Variants in GPR162 observed in about 807,000 individuals in gnomAD.
The protein encoded by GPR162 is probable G protein-coupled receptor 162.
A neutral mutation model predicts 44.9 loss-of-function variants in GPR162; 26 were observed. The observed-to-expected ratio is 0.58, with a 90% CI of 0.42 to 0.80. The LOEUF (loss-of-function observed/expected upper bound fraction) is 0.80. GPR162 is among the 30% of genes least tolerant of loss of function. The pLI, the probability that GPR162 is intolerant of heterozygous loss-of-function variation, is 0.00. For synonymous variants in GPR162, 363 were observed against 335.2 expected, an observed-to-expected ratio of 1.08 and a Z score of -0.91; for missense variants, 704 against 802.3, an observed-to-expected ratio of 0.88 and a Z score of 1.48.
intron 3 of GPR162, among the ~76,000 whole-genome samples, 157 bp downstream of exon 3, chr12:6,825,830 T>G (rs61461797): frequency 3.3e-5 from 5 of 152,280 alleles, no homozygotes; most frequent in African/African-American, 1.2e-4. Flanking sequence ...GGCACCCTGC[T>G]GTCCACTCAC....
At chr12:6,825,285 T>A in intron 2 of GPR162, 199 bp from the exon 3 acceptor site, 1 of 597,970 alleles carries the variant, frequency 1.7e-6, no homozygotes, top group Non-Finnish European at 3.0e-6. Flanking sequence ...GGGCTTTGTC[T>A]CCAGCACTCT....
Position 6,826,303 on chromosome 12 carries a change from C to T in GPR162, c.1165C>T (p.Pro389Ser), listed in dbSNP as rs782502331. ...SRDPAQVKLL[P>S]GRHMLFPPLE... ...GGACCCCGCCCAGGTGAAGCTGCTGCCTGGAAGGCACATGCTCTTCCCTCC... is the reference window on the plus strand; with the variant it reads ...GGACCCCGCCCAGGTGAAGCTGCTGTCTGGAAGGCACATGCTCTTCCCTCC... The change falls in exon 4 of 5, where the codon CCT becomes TCT. Residue 389 changes from proline (P) to serine (S), a missense_variant. Pro to Ser is a moderately conservative substitution (Grantham distance 74). Around this residue, in one of 6 missense-constraint regions of GPR162, gnomAD observed 404 missense variants for 314.1 expected, o/e 1.29. Transcript: ENST00000311268. The T allele has an allele frequency of 6.9e-5, 111 of 1,613,732 alleles. No individual in the cohort carries two copies. The highest frequency in any genetic ancestry group is 9.0e-5 in the Non-Finnish European group (106 of 1,179,942).
intron 2 of GPR162, chr12:6,825,037 T>C (rs1426472462): frequency 3.1e-6 from 2 of 649,520 alleles, no homozygotes; most frequent in Non-Finnish European, 5.7e-6. Context: ...TTCCACGACC[T>C]GTCCTCCAGC....
At position 6,825,520 on chromosome 12, in the gene GPR162, C is replaced by A; in HGVS notation, c.904C>A (p.Pro302Thr). 6.2e-7 allele frequency: 1 copy of A among 1,610,924 alleles called. No individual in the cohort carries two copies. Among genetic ancestry groups the A allele is most frequent in the South Asian group, 1.1e-5 (1 of 90,644 alleles). ...CTTCTCCCTCAAGTCGGACTCGGCG[C>A]CCCCCTGGATGGTGCTGGCTGTGCT... Reference protein sequence around the residue: ...SFFSLKSDSAPPWMVLAVLWC... With the variant: ...SFFSLKSDSATPWMVLAVLWC... The change falls in exon 3 of 5, where the codon CCC becomes ACC. Residue 302 changes from proline to threonine, a missense_variant. Physicochemically the swap from Pro to Thr is conservative, Grantham distance 38 (BLOSUM62 -1). Coordinates refer to ENST00000311268, the MANE Select transcript of GPR162 (RefSeq NM_019858.2).
In GPR162 at chr12:6,822,507, A is replaced by G. The variant is rs59749635; in HGVS notation, c.-432+607A>G. 0.038 allele frequency among the ~76,000 whole-genome samples: 5,758 copies of G among 151,856 alleles called. 249 individuals are homozygous for G. The highest frequency in any genetic ancestry group is 0.11 in the African/African-American group (4,476 of 41,360). On this transcript the variant is annotated intron_variant, in intron 1 of 4. Coordinates refer to ENST00000311268, the MANE Select transcript of GPR162 (RefSeq NM_019858.2). The surrounding 1 kb of genome is among the most constrained non-coding windows in gnomAD (Gnocchi z 4.2). ...CCATTATGTGCTTCCTTACAGCCCC[A>G]CTCTGTTCAGGGTTTCACCCGATTC... is the stretch of plus-strand genomic sequence containing the variant.
At position 6,824,205 on chromosome 12, in the gene GPR162, G is replaced by A; in HGVS notation, c.307G>A (p.Ala103Thr). 6.2e-7 allele frequency: 1 copy of A among 1,613,952 alleles called. No individual in the cohort carries two copies. The highest frequency in any genetic ancestry group is 8.5e-7 in the Non-Finnish European group (1 of 1,180,022). The change falls in exon 2 of 5, where the codon GCC becomes ACC. Residue 103 changes from alanine to threonine, a missense_variant. This residue lies in a region of GPR162 where 110 missense variants were observed against 206.2 expected (regional missense o/e 0.53). Transcript: ENST00000311268. Reference protein sequence around the residue: ...FVSTYYTLALATCFTVASLSY... With the variant: ...FVSTYYTLALTTCFTVASLSY... ...GTCCACCTACTACACCCTGGCGCTG[G>A]CCACCTGCTTCACGGTCGCCTCCCT...
intron 2 of GPR162, 123 bp from the exon 3 acceptor site, chr12:6,825,361 C>G: frequency 4.7e-6 from 3 of 640,704 alleles, no homozygotes; most frequent in Admixed American, 5.5e-5. Flanking sequence ...GGCTTCGCCT[C>G]TGTTGGAGCA....
chr12:6,827,116 G>C lies in GPR162; in HGVS notation c.1679G>C (p.Cys560Ser). ...LPLGLSAGRRCSLTGGEESAR... is the reference protein window; with the variant it reads ...LPLGLSAGRRSSLTGGEESAR... ...TTGGGACTAAGCGCAGGGAGACGCT[G>C]CTCCCTGACGGGGGGTGAAGAAAGT... Residue 560 changes from cysteine to serine, a missense_variant, in exon 5 of 5, where the codon TGC (cysteine) becomes TCC (serine). Transcript: ENST00000311268. 3 of 1,612,654 alleles carry C rather than the reference G, an allele frequency of 1.9e-6. No individual in the cohort carries two copies. Among genetic ancestry groups the C allele is most frequent in the Non-Finnish European group, 2.5e-6 (3 of 1,179,332 alleles).
At position 6,824,112 on chromosome 12, in the gene GPR162, G is replaced by A. The variant is rs1555119603; in HGVS notation, c.214G>A (p.Val72Met). ...MAAVPLTTFA[V>M]VQLRRQASSD... is the part of the protein sequence containing the mutation. ...AGCTGTGCCCCTCACCACCTTTGCC[G>A]TGGTGCAGCTGCGTCGTCAGGCTTC... The change falls in exon 2 of 5, where the codon GTG becomes ATG. Residue 72 changes from valine to methionine, a missense_variant. By Grantham distance (21) the Val-to-Met change is conservative. Coordinates refer to ENST00000311268, the MANE Select transcript of GPR162 (RefSeq NM_019858.2). 1.2e-6 allele frequency: 2 copies of A among 1,613,952 alleles called. No individual in the cohort carries two copies. Among genetic ancestry groups the A allele is most frequent in the African/African-American group, 1.3e-5 (1 of 75,040 alleles).
chr12:6,826,218 AGAGGGCC>A lies in GPR162; in HGVS notation c.1084_1090del (p.Gly362PhefsTer22), dbSNP rs1368727221. On this transcript the variant is annotated frameshift_variant, in exon 4 of 5. Coordinates refer to ENST00000311268, the MANE Select transcript of GPR162 (RefSeq NM_019858.2). LOFTEE classifies it high-confidence loss of function. ...TAGATGGGGGCTGTGACGACTATGC[AGAGGGCC>A]GAGTTTGCAAAGTTCGCTTTGATGC... 6.2e-7 allele frequency: 1 copy of A among 1,613,914 alleles called. No individual in the cohort carries two copies. Among genetic ancestry groups the A allele is most frequent in the Non-Finnish European group, 8.5e-7 (1 of 1,179,956 alleles).
In GPR162 at chr12:6,826,659, C is replaced by T. The variant is rs1555120145; in HGVS notation, c.1222C>T (p.Leu408=). 1 of 1,520,120 alleles carries T rather than the reference C, an allele frequency of 6.6e-7. No homozygotes were observed. Among genetic ancestry groups the T allele is most frequent in the South Asian group, 1.3e-5 (1 of 75,020 alleles). 94.2% of individuals were successfully genotyped at this position (1,520,120 alleles called of 1,614,324 possible). ...LERVHYLQVP[L]SRRLSHDETN... is the part of the protein sequence containing the mutation. ...TACCCGCTCCTCTTCCCAGGTCCCC[C>T]TATCCCGGCGTCTGTCCCATGATGA... The change falls in exon 5 of 5, where the codon CTA becomes TTA. Residue 408 remains leucine (L), a synonymous_variant. Transcript: ENST00000311268.
At position 6,824,768 on chromosome 12, in the gene GPR162, G is replaced by A. The variant is rs1943329914; in HGVS notation, c.867+3G>A. On this transcript the variant is annotated splice_donor_region_variant and intron_variant, in intron 2 of 4. Transcript: ENST00000311268. ...CACTCACAGGGGTGCCCATCTTGGTGAGATCGGGGTCCTCCCCACCTGTTC... is the reference window on the plus strand; with the variant it reads ...CACTCACAGGGGTGCCCATCTTGGTAAGATCGGGGTCCTCCCCACCTGTTC... 4 of 1,610,784 alleles carry A rather than the reference G, an allele frequency of 2.5e-6. No homozygotes were observed. The highest frequency in any genetic ancestry group is 3.4e-6 in the Non-Finnish European group (4 of 1,179,378).
In GPR162 at chr12:6,824,781, TC is replaced by T; in HGVS notation, c.867+20del. ...GCCCATCTTGGTGAGATCGGGGTCC[TC>T]CCCACCTGTTCTCCCCAATATCCAG... On this transcript the variant is annotated intron_variant, in intron 2 of 4. Transcript: ENST00000311268. The T allele has an allele frequency of 1.2e-6, 2 of 1,603,116 alleles. No homozygotes were observed.
At position 6,826,327 on chromosome 12, in the gene GPR162, C is replaced by T. The variant is rs1000577100; in HGVS notation, c.1189C>T (p.Pro397Ser). ...LLPGRHMLFPPLERVHYLQVP... is the reference protein window; with the variant it reads ...LLPGRHMLFPSLERVHYLQVP... ...GCCTGGAAGGCACATGCTCTTCCCT[C>T]CTCTTGAGAGAGTCCACTACTTACA... Residue 397 changes from proline (P) to serine (S), a missense_variant, in exon 4 of 5, where the codon CCT becomes TCT. This residue lies in a region of GPR162 where 404 missense variants were observed against 314.1 expected (regional missense o/e 1.29). Transcript: ENST00000311268. 11 of 1,613,602 alleles carry T rather than the reference C, an allele frequency of 6.8e-6. No individual in the cohort carries two copies. The highest frequency in any genetic ancestry group is 9.3e-6 in the Non-Finnish European group (11 of 1,179,920).
Position 6,825,024 on chromosome 12 carries a change from C to T in GPR162, c.867+259C>T. On this transcript the variant is annotated intron_variant, in intron 2 of 4. Transcript: ENST00000311268. ...ACTCCTCAGCTCCATCACCGTCCTT[C>T]AGTTCCACGACCTGTCCTCCAGCTC... 3 of 669,038 alleles carry T rather than the reference C, an allele frequency of 4.5e-6. No individual in the cohort carries two copies. The South Asian group carries it at 4.6e-5, about 10-fold the overall frequency. The allele number at this position is 669,038 out of a possible 1,614,324, so 41.4% of individuals were successfully genotyped here.
intron 4 of GPR162, 34 bp downstream of exon 4, chr12:6,826,387 G>A (rs1943356514): frequency 1.9e-6 from 3 of 1,574,096 alleles, no homozygotes; most frequent in Admixed American, 1.8e-5. Flanking sequence ...CCTACCCTTG[G>A]TGCCGCTCAT....
chr12:6,825,645 C>G lies in GPR162; in HGVS notation c.1029C>G (p.Ala343=), dbSNP rs1555119909. ...DVRTVWEQCV[A]IMSEEDGDDD... Reference sequence around the variant, plus strand: ...GCACAGTGTGGGAGCAATGCGTGGCCATCATGTCTGAGGAGGATGGAGATG... The same window carrying G: ...GCACAGTGTGGGAGCAATGCGTGGCGATCATGTCTGAGGAGGATGGAGATG... The change falls in exon 3 of 5, where the codon GCC becomes GCG. Residue 343 remains alanine (A), a synonymous_variant. Coordinates refer to ENST00000311268, the MANE Select transcript of GPR162 (RefSeq NM_019858.2). 11 of 1,579,108 alleles carry G rather than the reference C, an allele frequency of 7.0e-6. No homozygotes were observed. In the East Asian group the frequency reaches 2.6e-4, roughly 37 times the overall value.
At chr12:6,826,113 C>A in intron 3 of GPR162, 83 bp from the exon 4 acceptor site, 1 of 1,052,286 alleles carries the variant, frequency 9.5e-7, no homozygotes, top group South Asian at 1.4e-5. Flanking sequence ...CTAAAGGGGT[C>A]TCTGGGAGCT....
In GPR162 at chr12:6,824,654, G is replaced by A. The variant is rs782190561; in HGVS notation, c.756G>A (p.Lys252=). 33 of 1,613,900 alleles carry A rather than the reference G, an allele frequency of 2.0e-5. No homozygotes were observed. Among genetic ancestry groups the A allele is most frequent in the Middle Eastern group, 1.6e-4 (1 of 6,084 alleles). The change falls in exon 2 of 5, where the codon AAG becomes AAA. Residue 252 remains lysine (K), a synonymous_variant. Transcript: ENST00000311268. The stretch of plus-strand genomic sequence containing the variant: ...TTGTGGTGGAGGATGCCCGAGGGAA[G>A]CGGCGGTCCTCGCTGGATGGCTCGG... The part of the protein sequence containing the change: ...PAIVVEDARG[K]RRSSLDGSES...
Sources: allele counts gnomAD v4.1 joint callset (sites outside exome capture counted in the v4.1 genomes callset), GRCh38; gene constraint gnomAD v4.1.1; regional missense constraint gnomAD v4.1.1; non-coding constraint Gnocchi (gnomAD v3.1); transcripts MANE v1.5; gene names NCBI Gene and HGNC (gene_info 2026-07-23, HGNC 2026-07-21).